Variants in G3BP2 observed in about 807,000 individuals in gnomAD.
G3BP2 encodes the protein ras GTPase-activating protein-binding protein 2.
Under a neutral mutation model 56.7 loss-of-function variants are expected in G3BP2, and 11 were observed. The ratio of observed to expected loss-of-function variants is 0.19; its 90% CI spans 0.12 to 0.32. The LOEUF (loss-of-function observed/expected upper bound fraction) is 0.32. Ranked by LOEUF, G3BP2 falls within the 10% of genes least tolerant of loss-of-function variation. The probability of loss-of-function intolerance (pLI) is 1.00; values close to 1 mark genes in which losing one functional copy is unlikely to be tolerated. For missense variants in G3BP2, 340 were observed against 610.9 expected (o/e 0.56, Z 4.67); for synonymous variants, 165 against 191.6 (o/e 0.86, Z 1.15).
At chr4:75,666,595 C>T (rs748614984) in intron 1 of G3BP2, among the ~76,000 whole-genome samples, 5 of 152,138 alleles carry the variant, frequency 3.3e-5, no homozygotes, top group African/African-American at 9.6e-5. Flanking sequence ...CATCAAACAA[C>T]GTGGTTTGGG....
rs1332374734 is a variant in G3BP2, at chr4:75,643,146, T to C, written c.*2284A>G. ...CAATCACCATGTAAACTTCTCCATA[T>C]GATGTTTTAATGTTTTATTCATGGT... is the stretch of plus-strand genomic sequence containing the variant. On this transcript the variant is annotated 3_prime_UTR_variant, in exon 12 of 12. Transcript: ENST00000359707. 6.6e-6 allele frequency: 1 copy of C among 152,306 alleles called. No homozygotes were observed. Among genetic ancestry groups the C allele is most frequent in the Non-Finnish European group, 1.5e-5 (1 of 67,920 alleles). The allele number at this position is 152,306 out of a possible 1,614,324, so 9.4% of individuals were successfully genotyped here.
At chr4:75,721,247 A>T (rs1047618371) in intron 2 of G3BP2, among the ~76,000 whole-genome samples, 5 of 139,574 alleles carry the variant, frequency 3.6e-5, no homozygotes, top group South Asian at 2.4e-4. Flanking sequence ...AGCCTCAACT[A>T]GTCTTTTTTT....
chr4:75,708,069 C>G (rs1156465511), intron 3 of G3BP2, among the ~76,000 whole-genome samples: 1 of 152,168 alleles, frequency 6.6e-6, no homozygotes, highest in Admixed American at 6.5e-5. Flanking sequence ...TGGTTGCCCT[C>G]TGCTAGAGGG....
chr4:75,675,018 C>A (rs564838816), upstream of G3BP2, among the ~76,000 whole-genome samples: 2 of 151,982 alleles, frequency 1.3e-5, no homozygotes, highest in Non-Finnish European at 2.9e-5. Context: ...CCACCGCACC[C>A]GGCCAGTAGT....
At chr4:75,666,960 G>A (rs977705588) in intron 1 of G3BP2, among the ~76,000 whole-genome samples, 3 of 152,044 alleles carry the variant, frequency 2.0e-5, no homozygotes, top group Non-Finnish European at 4.4e-5. Flanking sequence ...AGAAATCCCC[G>A]GTCAAGCCTA....
chr4:75,660,253 A>T (rs1422112779), intron 2 of G3BP2, among the ~76,000 whole-genome samples: 1 of 152,138 alleles, frequency 6.6e-6, no homozygotes, highest in Admixed American at 6.5e-5. Flanking sequence ...CCTATTAATT[A>T]TTTATCTTCC....
intron 3 of G3BP2, among the ~76,000 whole-genome samples, chr4:75,696,824 A>G (rs940487160): frequency 1.3e-5 from 2 of 152,212 alleles, no homozygotes; most frequent in African/African-American, 4.8e-5. Context: ...GTTCACATGC[A>G]TGCAAGAGTA....
intron 3 of G3BP2, among the ~76,000 whole-genome samples, chr4:75,705,937 T>G (rs1719527725): frequency 1.3e-5 from 2 of 152,148 alleles, no homozygotes; most frequent in Admixed American, 1.3e-4. Context: ...TGTCAGGCAC[T>G]ATTTCTAGTT....
intron 3 of G3BP2, among the ~76,000 whole-genome samples, chr4:75,688,129 A>G (rs950347640): frequency 2.0e-5 from 3 of 151,610 alleles, no homozygotes; most frequent in Admixed American, 6.6e-5. Context: ...TTGCTGGCTT[A>G]TGGTCTCTTC....
At chr4:75,686,498 G>A (rs79137401) in intron 3 of G3BP2, among the ~76,000 whole-genome samples, 1,582 of 148,900 alleles carry the variant, frequency 0.011, 13 homozygotes, top group Non-Finnish European at 0.017. Flanking sequence ...ATGAGCCAGC[G>A]AAGGAAGTGC....
chr4:75,654,470 G>C (rs1299549817), intron 7 of G3BP2, among the ~76,000 whole-genome samples: 1 of 152,228 alleles, frequency 6.6e-6, no homozygotes, highest in Non-Finnish European at 1.5e-5. Context: ...TAGGAAAGAA[G>C]AGAGTATTAG....
intron 1 of G3BP2, among the ~76,000 whole-genome samples, chr4:75,670,872 A>G: frequency 6.6e-6 from 1 of 152,184 alleles, no homozygotes; most frequent in East Asian, 1.9e-4. Context: ...CTCTTCCAAC[A>G]ATACAAAAAA....
At position 75,645,371 on chromosome 4, in the gene G3BP2, C is replaced by T; in HGVS notation, c.*59G>A. On this transcript the variant is annotated 3_prime_UTR_variant, in exon 12 of 12. Coordinates refer to ENST00000359707, the MANE Select transcript of G3BP2 (RefSeq NM_203505.3). Reference sequence around the variant, plus strand: ...ATTCCAAAGCCAAAAAAAAAATTAACAAGAATGCAAACACGATGAATAATG... The same window carrying T: ...ATTCCAAAGCCAAAAAAAAAATTAATAAGAATGCAAACACGATGAATAATG... 6.7e-7 allele frequency: 1 copy of T among 1,487,294 alleles called. No individual in the cohort carries two copies. The highest frequency in any genetic ancestry group is 2.3e-5 in the East Asian group (1 of 43,216). 92.1% of individuals were successfully genotyped at this position (1,487,294 alleles called of 1,614,324 possible).
intron 4 of G3BP2, among the ~76,000 whole-genome samples, 190 bp from the exon 5 acceptor site, chr4:75,657,204 C>T (rs1289874250): frequency 6.6e-6 from 1 of 152,104 alleles, no homozygotes; most frequent in Admixed American, 6.6e-5. Flanking sequence ...AATAGCAAAA[C>T]TCGCAATTAC....
chr4:75,656,983 T>C lies in G3BP2; in HGVS notation c.383A>G (p.Asn128Ser). 1 of 1,519,026 alleles carries C rather than the reference T, an allele frequency of 6.6e-7. No individual in the cohort carries two copies. The highest frequency in any genetic ancestry group is 9.1e-7 in the Non-Finnish European group (1 of 1,102,216). 94.1% of individuals were successfully genotyped at this position (1,519,026 alleles called of 1,614,324 possible). ...TTCATCTTCATAACGAAACATATCA[T>C]TGTGAACATAAAATTTATTTGGAAC... ...GSVPNKFYVHNDMFRYEDEVF... is the reference protein window; with the variant it reads ...GSVPNKFYVHSDMFRYEDEVF... The change falls in exon 5 of 12, where the codon AAT (asparagine) becomes AGT (serine). Residue 128 changes from asparagine (N) to serine (S), a missense_variant. Coordinates refer to ENST00000359707, the MANE Select transcript of G3BP2 (RefSeq NM_203505.3).
intron 8 of G3BP2, among the ~76,000 whole-genome samples, chr4:75,651,793 C>A (rs1731715387): frequency 6.6e-6 from 1 of 152,124 alleles, no homozygotes; most frequent in African/African-American, 2.4e-5. Context: ...CAAATCAAGT[C>A]AATAAAAGCA....
At chr4:75,666,830 A>T (rs1346495357) in intron 1 of G3BP2, among the ~76,000 whole-genome samples, 1 of 152,238 alleles carries the variant, frequency 6.6e-6, no homozygotes, top group Non-Finnish European at 1.5e-5. Context: ...TTCTTAAAAA[A>T]AGTTAACAAA....
At chr4:75,686,578 G>A (rs953225954) in intron 3 of G3BP2, among the ~76,000 whole-genome samples, 1 of 126,622 alleles carries the variant, frequency 7.9e-6, no homozygotes. Flanking sequence ...GGGTGGGGGT[G>A]GGGGGGCGGG....
At chr4:75,705,916 T>C (rs1194546216) in intron 3 of G3BP2, among the ~76,000 whole-genome samples, 1 of 152,194 alleles carries the variant, frequency 6.6e-6, no homozygotes, top group Admixed American at 6.6e-5. Context: ...GAATAATGAA[T>C]ACTTGCTATG....
Sources: allele counts gnomAD v4.1 joint callset (sites outside exome capture counted in the v4.1 genomes callset), GRCh38; gene constraint gnomAD v4.1.1; transcripts MANE v1.5; gene names NCBI Gene and HGNC (gene_info 2026-07-23, HGNC 2026-07-21).